ANKS1B: variants seen among roughly 807,000 people sequenced by gnomAD.
ANKS1B encodes the protein ankyrin repeat and sterile alpha motif domain containing 1B.
In ANKS1B, 36 loss-of-function variants were observed where a neutral mutation model predicts 148.3. That is an observed-to-expected ratio of 0.24 (90% CI 0.19 to 0.32). ANKS1B has a LOEUF of 0.32. Among genes scored for constraint, ANKS1B ranks in the 10% least tolerant of loss-of-function variants. The pLI, the probability that ANKS1B is intolerant of heterozygous loss-of-function variation, is 1.00. For missense variants in ANKS1B, 1,157 were observed against 1,542.6 expected (o/e 0.75, Z 4.19); for synonymous variants, 542 against 560.8 (o/e 0.97, Z 0.47).
intron 9 of ANKS1B, among the ~76,000 whole-genome samples, chr12:99,617,247 A>T (rs1022162217): frequency 6.6e-6 from 1 of 152,222 alleles, no homozygotes; most frequent in Non-Finnish European, 1.5e-5. Context: ...TTCCTCAATG[A>T]TATAAAACCA....
chr12:99,854,630 C>T (rs1168587924), intron 1 of ANKS1B, among the ~76,000 whole-genome samples: 2 of 152,084 alleles, frequency 1.3e-5, no homozygotes, highest in African/African-American at 4.8e-5. Context: ...AGAAAAGAAT[C>T]TTAAGAGCTG....
At chr12:99,243,732 T>C (rs1036152825) in intron 14 of ANKS1B, among the ~76,000 whole-genome samples, 2 of 152,128 alleles carry the variant, frequency 1.3e-5, no homozygotes, top group Admixed American at 1.3e-4. Context: ...TGCAGGGACA[T>C]GGATGAAGCA....
At chr12:99,357,602 T>C (rs1411762913) in intron 12 of ANKS1B, among the ~76,000 whole-genome samples, 2 of 152,146 alleles carry the variant, frequency 1.3e-5, no homozygotes, top group East Asian at 1.9e-4. Flanking sequence ...TCATCATCTG[T>C]TTATGTGTCT....
At chr12:99,821,625 T>C (rs1171545237) in intron 2 of ANKS1B, among the ~76,000 whole-genome samples, 1 of 151,992 alleles carries the variant, frequency 6.6e-6, no homozygotes, top group East Asian at 1.9e-4. Context: ...AATATTACTT[T>C]AAGAAGTGCT....
chr12:99,229,796 A>C (rs1233088122), intron 14 of ANKS1B, among the ~76,000 whole-genome samples: 1 of 152,034 alleles, frequency 6.6e-6, no homozygotes, highest in Non-Finnish European at 1.5e-5. Context: ...ATGCGCTAAC[A>C]ATTATATGTA....
At chr12:98,843,681 C>T (rs1293487110) in intron 17 of ANKS1B, among the ~76,000 whole-genome samples, 2 of 152,102 alleles carry the variant, frequency 1.3e-5, no homozygotes, top group African/African-American at 4.8e-5. Context: ...TGAAACCCAG[C>T]TAAATAAAGA....
rs934805673 is a variant in ANKS1B, at chr12:99,984,253, C to T, written c.-16G>A. 4.3e-6 allele frequency: 7 copies of T among 1,609,428 alleles called. No individual in the cohort carries two copies. Among genetic ancestry groups the T allele is most frequent in the Non-Finnish European group, 5.9e-6 (7 of 1,177,470 alleles). The stretch of plus-strand genomic sequence containing the variant: ...CCTTCCCCATAGTCTCTCACCGACT[C>T]CCCCACAGAGTCCTTGCCCCCCTCG... On this transcript the variant is annotated 5_prime_UTR_variant, in exon 1 of 27. Coordinates refer to ENST00000683438, the MANE Select transcript of ANKS1B (RefSeq NM_001352186.2).
chr12:99,790,887 G>T (rs898701628), intron 4 of ANKS1B, among the ~76,000 whole-genome samples: 2 of 151,496 alleles, frequency 1.3e-5, no homozygotes, highest in Admixed American at 1.3e-4. Context: ...GAGAGCGAGA[G>T]AAAAAAATAA....
intron 16 of ANKS1B, among the ~76,000 whole-genome samples, chr12:99,073,121 T>C (rs2046774259): frequency 6.6e-6 from 1 of 152,224 alleles, no homozygotes; most frequent in Non-Finnish European, 1.5e-5. Context: ...AAAACTCCAT[T>C]TTATGTGCTT....
Position 99,501,910 on chromosome 12 carries a change from C to T in ANKS1B, c.1438+2566G>A, listed in dbSNP as rs191093122. ...TCGATTTCTGTAATTTTCATATCAG[C>T]TTTTTGATACTTTTAAGAAGTTTTT... On this transcript the variant is annotated intron_variant, in intron 10 of 26. Transcript: ENST00000683438. 7.8e-3 allele frequency among the ~76,000 whole-genome samples: 1,192 copies of T among 152,246 alleles called. 12 individuals carry two copies. Among genetic ancestry groups the T allele is most frequent in the African/African-American group, 0.027 (1,109 of 41,550 alleles).
At chr12:99,410,553 C>A (rs1413685067) in intron 11 of ANKS1B, among the ~76,000 whole-genome samples, 1 of 152,110 alleles carries the variant, frequency 6.6e-6, no homozygotes, top group African/African-American at 2.4e-5. Flanking sequence ...CCTGTAGTCC[C>A]AGCTACTCGG....
chr12:98,875,742 C>T (rs555150903), intron 17 of ANKS1B, among the ~76,000 whole-genome samples: 1 of 152,256 alleles, frequency 6.6e-6, no homozygotes, highest in Non-Finnish European at 1.5e-5. Flanking sequence ...TGGACCCAAA[C>T]CACCAATATA....
chr12:99,426,917 G>C lies in ANKS1B; in HGVS notation c.1575+16756C>G, dbSNP rs146587911. ...CTAGATCTCACCATTTCAGTAAATG[G>C]CATCGTGATTTTTCACAGTGACTCA... On this transcript the variant is annotated intron_variant, in intron 11 of 26. Transcript: ENST00000683438. Among the ~76,000 whole-genome samples the C allele has an allele frequency of 3.8e-3, 577 of 152,206 alleles. 1 individual carries two copies. The highest frequency in any genetic ancestry group is 0.013 in the African/African-American group (559 of 41,538).
intron 11 of ANKS1B, among the ~76,000 whole-genome samples, chr12:99,420,701 G>A (rs1362007360): frequency 6.6e-6 from 1 of 152,094 alleles, no homozygotes; most frequent in Admixed American, 6.5e-5. Context: ...TAAAGCAAGT[G>A]TTAAAAAATA....
chr12:98,934,992 C>T (rs2152983389), intron 17 of ANKS1B, among the ~76,000 whole-genome samples: 1 of 152,070 alleles, frequency 6.6e-6, no homozygotes, highest in Non-Finnish European at 1.5e-5. Context: ...ACTGCTCTGG[C>T]TAGGACTCCC....
chr12:99,491,479 A>T (rs2096554590), intron 10 of ANKS1B, among the ~76,000 whole-genome samples: 1 of 152,040 alleles, frequency 6.6e-6, no homozygotes, highest in Non-Finnish European at 1.5e-5. Context: ...AGATTTTTTA[A>T]TCACTCAAGT....
chr12:99,346,275 T>C (rs964882456), intron 12 of ANKS1B, among the ~76,000 whole-genome samples: 1 of 151,606 alleles, frequency 6.6e-6, no homozygotes, highest in African/African-American at 2.4e-5. Flanking sequence ...ATTTTCTTGA[T>C]AGTTACCCCC....
intron 17 of ANKS1B, among the ~76,000 whole-genome samples, chr12:98,887,103 A>T (rs948667262): frequency 2.0e-5 from 3 of 152,234 alleles, no homozygotes; most frequent in African/African-American, 7.2e-5. Context: ...AGTAATTATG[A>T]TTACAGAATA....
intron 15 of ANKS1B, among the ~76,000 whole-genome samples, chr12:99,128,784 A>T (rs902964899): frequency 4.6e-5 from 7 of 152,220 alleles, no homozygotes; most frequent in African/African-American, 1.7e-4. Context: ...GAATATAGAG[A>T]TGAGATCCAA....
Sources: allele counts gnomAD v4.1 joint callset (sites outside exome capture counted in the v4.1 genomes callset), GRCh38; gene constraint gnomAD v4.1.1; transcripts MANE v1.5; gene names NCBI Gene and HGNC (gene_info 2026-07-23, HGNC 2026-07-21).